Variants in SFMBT1 observed in about 807,000 individuals in gnomAD.
SFMBT1 encodes the protein scm-like with four MBT domains protein 1.
A neutral mutation model predicts 108.7 loss-of-function variants in SFMBT1; 32 were observed. The observed-to-expected ratio is 0.29, with a 90% CI of 0.22 to 0.40. SFMBT1 has a LOEUF of 0.40. SFMBT1 is among the 10% of genes least tolerant of loss of function. The pLI, the probability that SFMBT1 is intolerant of heterozygous loss-of-function variation, is 1.00. For synonymous variants in SFMBT1, 348 were observed against 369.5 expected (o/e 0.94, Z 0.67); for missense variants, 816 against 1,059.6 (o/e 0.77, Z 3.19).
At chr3:52,948,238 A>C (rs1463599834) in intron 3 of SFMBT1, among the ~76,000 whole-genome samples, 2 of 120,690 alleles carry the variant, frequency 1.7e-5, no homozygotes, top group Non-Finnish European at 3.8e-5. Flanking sequence ...CGACCACTAT[A>C]AGTCATCAAC....
chr3:52,996,372 C>T (rs1171164226), intron 1 of SFMBT1, among the ~76,000 whole-genome samples: 1 of 148,738 alleles, frequency 6.7e-6, no homozygotes, highest in Non-Finnish European at 1.5e-5. Context: ...GCCACCACAC[C>T]CAGCTAATTT....
chr3:52,930,837 G>A (rs1702833746), intron 7 of SFMBT1, 104 bp downstream of exon 7: 1 of 822,954 alleles, frequency 1.2e-6, no homozygotes, highest in South Asian at 1.6e-5. Flanking sequence ...AGAGACCATG[G>A]CATTCTTACC....
intron 1 of SFMBT1, among the ~76,000 whole-genome samples, chr3:53,030,948 TAAA>T (rs1475149425): frequency 1.3e-5 from 2 of 152,132 alleles, no homozygotes; most frequent in African/African-American, 4.8e-5. Flanking sequence ...ATCAGTTCAG[TAAA>T]AAACTAAAGG....
intron 10 of SFMBT1, among the ~76,000 whole-genome samples, chr3:52,924,031 ACTT>A (rs1175863253): frequency 1.3e-5 from 2 of 152,260 alleles, no homozygotes; most frequent in African/African-American, 4.8e-5. Flanking sequence ...ATAGCTTTTA[ACTT>A]CTTGATAGTA....
chr3:52,920,060 A>G (rs1044569098), intron 12 of SFMBT1, among the ~76,000 whole-genome samples: 2 of 152,242 alleles, frequency 1.3e-5, no homozygotes, highest in African/African-American at 4.8e-5. Context: ...GGTGCCAACT[A>G]TGGACCAGGA....
At chr3:52,999,562 C>T (rs1378748563) in intron 1 of SFMBT1, among the ~76,000 whole-genome samples, 2 of 150,276 alleles carry the variant, frequency 1.3e-5, no homozygotes, top group Non-Finnish European at 3.0e-5. Context: ...GAGGGGAAGC[C>T]ACACCCTGAT....
chr3:52,963,612 C>T (rs1704037075), intron 2 of SFMBT1, among the ~76,000 whole-genome samples: 1 of 151,842 alleles, frequency 6.6e-6, no homozygotes, highest in African/African-American at 2.4e-5. Context: ...CTGCACCTGG[C>T]TAATTTTTTT....
chr3:53,025,329 C>T lies in SFMBT1; in HGVS notation c.-131+20487G>A, dbSNP rs552613510. Among the ~76,000 whole-genome samples, 12 of 152,312 alleles carry T rather than the reference C, an allele frequency of 7.9e-5. No homozygotes were observed. The East Asian group carries it at 2.1e-3, about 27-fold the overall frequency. On this transcript the variant is annotated intron_variant, in intron 1 of 20. Coordinates refer to ENST00000394752, the MANE Select transcript of SFMBT1 (RefSeq NM_016329.4). ...TTCAAGCATCAAAACATATTTCAGG[C>T]TGGGTGCAGTGGCTCACGCCTGTAT...
chr3:53,024,416 T>C (rs867928662), intron 1 of SFMBT1, among the ~76,000 whole-genome samples: 4 of 152,188 alleles, frequency 2.6e-5, no homozygotes, highest in Admixed American at 6.5e-5. Flanking sequence ...CATGTTCCTA[T>C]GTGGAACAGA....
intron 9 of SFMBT1, among the ~76,000 whole-genome samples, chr3:52,926,663 A>G (rs1702668083): frequency 6.6e-6 from 1 of 152,136 alleles, no homozygotes; most frequent in African/African-American, 2.4e-5. Context: ...TATAATCTAA[A>G]TCATGTATTT....
intron 1 of SFMBT1, among the ~76,000 whole-genome samples, chr3:53,026,431 C>G (rs1245096711): frequency 6.6e-6 from 1 of 152,194 alleles, no homozygotes; most frequent in Non-Finnish European, 1.5e-5. Flanking sequence ...AAACGACTCA[C>G]ACGTAGCCAC....
At chr3:52,967,691 T>C (rs1254643290) in intron 2 of SFMBT1, among the ~76,000 whole-genome samples, 3 of 152,192 alleles carry the variant, frequency 2.0e-5, no homozygotes, top group African/African-American at 7.2e-5. Context: ...GACGAGGATA[T>C]GCAGATGCCA....
chr3:53,042,145 C>G (rs1194287255), intron 1 of SFMBT1, among the ~76,000 whole-genome samples: 1 of 152,246 alleles, frequency 6.6e-6, no homozygotes, highest in Non-Finnish European at 1.5e-5. Flanking sequence ...TATCTATTTA[C>G]TTAATGTGAA....
At chr3:53,023,618 C>T (rs573663092) in intron 1 of SFMBT1, among the ~76,000 whole-genome samples, 41 of 152,284 alleles carry the variant, frequency 2.7e-4, no homozygotes, top group African/African-American at 9.9e-4. Context: ...TCTACATTTC[C>T]AAACCCCCCG....
At chr3:53,003,436 G>A (rs1410531000) in intron 1 of SFMBT1, among the ~76,000 whole-genome samples, 2 of 150,064 alleles carry the variant, frequency 1.3e-5, no homozygotes, top group African/African-American at 4.9e-5. Flanking sequence ...TGCAATGAGG[G>A]ACGCAAAATT....
intron 3 of SFMBT1, among the ~76,000 whole-genome samples, chr3:52,947,097 T>G (rs1703394356): frequency 6.7e-6 from 1 of 148,368 alleles, no homozygotes; most frequent in Non-Finnish European, 1.5e-5. Context: ...TAACCAACAT[T>G]TTTCTATTTT....
rs1702040407 is a variant in SFMBT1, at chr3:52,905,351, C to A, written c.2461-75G>T. 6.1e-6 allele frequency: 9 copies of A among 1,473,698 alleles called. No homozygotes were observed. The South Asian group carries it at 9.2e-5, about 15-fold the overall frequency. The allele number at this position is 1,473,698 out of a possible 1,614,324, so 91.3% of individuals were successfully genotyped here. A position where few individuals can be genotyped will look rare whatever the true frequency, so the allele number is the denominator to read the frequency against. ...GCTTGATCATGACAGCCTCTCCTCACTTTAGCTCTGTCAAAACTGGAATCC... is the reference window on the plus strand; with the variant it reads ...GCTTGATCATGACAGCCTCTCCTCAATTTAGCTCTGTCAAAACTGGAATCC... On this transcript the variant is annotated intron_variant, in intron 20 of 20. Coordinates refer to ENST00000394752, the MANE Select transcript of SFMBT1 (RefSeq NM_016329.4).
intron 1 of SFMBT1, among the ~76,000 whole-genome samples, chr3:53,003,452 C>T (rs1423134274): frequency 1.3e-5 from 2 of 150,008 alleles, no homozygotes; most frequent in African/African-American, 4.9e-5. Context: ...AAATTGTGAA[C>T]GTGCATGAGA....
chr3:52,927,879 C>CCT (rs1398478041), intron 9 of SFMBT1, among the ~76,000 whole-genome samples: 1 of 152,136 alleles, frequency 6.6e-6, no homozygotes, highest in Non-Finnish European at 1.5e-5. Context: ...CCCTAACAGA[C>CCT]ATAAAAGGGA....
Sources: allele counts gnomAD v4.1 joint callset (sites outside exome capture counted in the v4.1 genomes callset), GRCh38; gene constraint gnomAD v4.1.1; transcripts MANE v1.5; gene names NCBI Gene and HGNC (gene_info 2026-07-23, HGNC 2026-07-21).